KHDRBS2: variants seen among roughly 807,000 people sequenced by gnomAD.
The protein encoded by KHDRBS2 is KH domain-containing, RNA-binding, signal transduction-associated protein 2.
KHDRBS2 carries 26 observed loss-of-function variants against 44.3 expected under a neutral mutation model. That is an observed-to-expected ratio of 0.59 (90% CI 0.43 to 0.81). The LOEUF is 0.81. KHDRBS2 is among the 40% of genes least tolerant of loss of function. The pLI is 0.00. For missense variants in KHDRBS2, 476 were observed against 433.1 expected (o/e 1.10, Z -0.88); for synonymous variants, 194 against 151.1 (o/e 1.28, Z -2.08).
At chr6:62,012,574 C>T (rs996781771) in intron 3 of KHDRBS2, among the ~76,000 whole-genome samples, 2 of 152,092 alleles carry the variant, frequency 1.3e-5, no homozygotes, top group African/African-American at 4.8e-5. Context: ...TCTACTTATC[C>T]TTTATATTCA....
the KHDRBS2 span, among the ~76,000 whole-genome samples, chr6:61,574,087 TA>T: frequency 6.6e-6 from 1 of 151,916 alleles, no homozygotes; most frequent in African/African-American, 2.4e-5. Context: ...AAGCCATATG[TA>T]AAAAAATGAA....
chr6:61,691,386 C>T (rs1201891972), intron 8 of KHDRBS2, among the ~76,000 whole-genome samples: 1 of 151,928 alleles, frequency 6.6e-6, no homozygotes, highest in Admixed American at 6.6e-5. Flanking sequence ...AAAGAGAAAG[C>T]TAATTTTAAA....
At chr6:62,217,333 T>A (rs1830182569) in intron 1 of KHDRBS2, among the ~76,000 whole-genome samples, 1 of 151,818 alleles carries the variant, frequency 6.6e-6, no homozygotes, top group Non-Finnish European at 1.5e-5. Flanking sequence ...TTGTGACTTT[T>A]TTATTTAAGG....
Position 62,226,127 on chromosome 6 carries a change from T to C in KHDRBS2, c.92-48815A>G, listed in dbSNP as rs141183011. Reference sequence around the variant, plus strand: ...GGAATTTCCACAATGTCTTCCACAATGGTTGAACTAATTTACATTCCCATC... The same window carrying C: ...GGAATTTCCACAATGTCTTCCACAACGGTTGAACTAATTTACATTCCCATC... On this transcript the variant is annotated intron_variant, in intron 1 of 8. Transcript: ENST00000281156. Among the ~76,000 whole-genome samples, 380 of 152,324 alleles carry C rather than the reference T, an allele frequency of 2.5e-3. 3 individuals are homozygous for C. Among genetic ancestry groups the C allele is most frequent in the African/African-American group, 8.4e-3 (348 of 41,566 alleles).
intron 4 of KHDRBS2, among the ~76,000 whole-genome samples, chr6:61,953,671 T>C (rs1765253658): frequency 1.3e-5 from 2 of 152,138 alleles, no homozygotes; most frequent in African/African-American, 4.8e-5. Flanking sequence ...AAATTCATTT[T>C]TCTGCGGGAA....
chr6:61,613,604 T>A, the KHDRBS2 span, among the ~76,000 whole-genome samples: 1 of 152,104 alleles, frequency 6.6e-6, no homozygotes, highest in African/African-American at 2.4e-5. Context: ...CTTTCTGCAG[T>A]CATTACAATC....
the KHDRBS2 span, among the ~76,000 whole-genome samples, chr6:61,554,595 T>C: frequency 6.6e-6 from 1 of 152,226 alleles, no homozygotes; most frequent in African/African-American, 2.4e-5. Flanking sequence ...GTGTGGTTTC[T>C]TTATATTGTC....
At chr6:62,053,373 GA>G (rs1405999443) in intron 2 of KHDRBS2, among the ~76,000 whole-genome samples, 1 of 151,656 alleles carries the variant, frequency 6.6e-6, no homozygotes, top group Admixed American at 6.6e-5. Context: ...AAAATGACAT[GA>G]AAAAACCCAC....
intron 3 of KHDRBS2, among the ~76,000 whole-genome samples, chr6:62,041,842 T>C (rs1786603553): frequency 6.6e-6 from 1 of 152,094 alleles, no homozygotes; most frequent in Admixed American, 6.6e-5. Flanking sequence ...TATCCTGTTA[T>C]TGAAGCTTAT....
intron 4 of KHDRBS2, among the ~76,000 whole-genome samples, chr6:61,965,942 T>C (rs563201982): frequency 9.2e-5 from 14 of 152,166 alleles, no homozygotes; most frequent in African/African-American, 2.9e-4. Flanking sequence ...ATGAGCTACA[T>C]TTCCTGATTT....
intron 6 of KHDRBS2, among the ~76,000 whole-genome samples, chr6:61,809,196 T>A (rs1787693697): frequency 6.6e-6 from 1 of 152,130 alleles, no homozygotes; most frequent in Non-Finnish European, 1.5e-5. Context: ...GTTTTGTAGT[T>A]CCTTCCTGTA....
chr6:61,663,258 G>T, the KHDRBS2 span, among the ~76,000 whole-genome samples: 1 of 78,564 alleles, frequency 1.3e-5, no homozygotes, highest in African/African-American at 5.1e-5. Flanking sequence ...TGTGGGGTGG[G>T]GGGAGGGGGG....
At chr6:61,824,894 G>C (rs533546293) in intron 6 of KHDRBS2, among the ~76,000 whole-genome samples, 219 of 152,180 alleles carry the variant, frequency 1.4e-3, no homozygotes, top group African/African-American at 5.1e-3. Context: ...AAAAACAAGA[G>C]TAGTACATTA....
intron 2 of KHDRBS2, among the ~76,000 whole-genome samples, chr6:62,128,639 T>C (rs1809531572): frequency 1.3e-5 from 2 of 149,750 alleles, no homozygotes; most frequent in African/African-American, 4.9e-5. Context: ...AAATCTCCTT[T>C]CATATCTGTT....
At chr6:62,230,661 T>C (rs114174314) in intron 1 of KHDRBS2, among the ~76,000 whole-genome samples, 1,824 of 152,268 alleles carry the variant, frequency 0.012, 35 homozygotes, top group African/African-American at 0.042. Flanking sequence ...TAATGTTTAA[T>C]TATTACTATC....
intron 1 of KHDRBS2, among the ~76,000 whole-genome samples, chr6:62,281,104 T>C (rs951382202): frequency 6.6e-6 from 1 of 152,176 alleles, no homozygotes; most frequent in Non-Finnish European, 1.5e-5. Context: ...ATCAAGCCCA[T>C]GGTTAAAGAC....
the KHDRBS2 span, among the ~76,000 whole-genome samples, chr6:61,648,167 T>A: frequency 6.6e-6 from 1 of 152,060 alleles, no homozygotes; most frequent in African/African-American, 2.4e-5. Flanking sequence ...TATTATAAGA[T>A]AAAATTTAAA....
At chr6:61,915,777 T>A (rs537306213) in intron 4 of KHDRBS2, among the ~76,000 whole-genome samples, 2 of 152,072 alleles carry the variant, frequency 1.3e-5, no homozygotes, top group South Asian at 4.1e-4. Context: ...TTGTATCAGC[T>A]TTAATGTTGA....
At chr6:62,067,779 C>G (rs180994519) in intron 2 of KHDRBS2, among the ~76,000 whole-genome samples, 1 of 151,528 alleles carries the variant, frequency 6.6e-6, no homozygotes, top group Non-Finnish European at 1.5e-5. Flanking sequence ...ACTTCCATCT[C>G]TATACATTTG....
Sources: gnomAD v4.1 joint callset for allele counts (sites outside exome capture counted in the v4.1 genomes callset) on GRCh38, gnomAD v4.1.1 for gene constraint, MANE v1.5 for transcripts, NCBI Gene and HGNC (gene_info 2026-07-23, HGNC 2026-07-21) for gene names.